SASH1: variants seen among roughly 807,000 people sequenced by gnomAD.
SASH1 encodes the protein SAM and SH3 domain containing 1.
In SASH1, 44 loss-of-function variants were observed where a neutral mutation model predicts 125.2. The observed-to-expected ratio is 0.35, with a 90% confidence interval of 0.28 to 0.45. The LOEUF is 0.45. SASH1 is among the 20% of genes least tolerant of loss of function. The pLI is 1.00. For synonymous variants in SASH1, 639 were observed against 649.1 expected, an observed-to-expected ratio of 0.98 and a Z score of 0.24; for missense variants, 1,426 against 1,614.5, an observed-to-expected ratio of 0.88 and a Z score of 2.00.
At chr6:148,527,244 C>G (rs966017815) in intron 11 of SASH1, 4 of 460,968 alleles carry the variant, frequency 8.7e-6, no homozygotes, top group Non-Finnish European at 1.5e-5. Flanking sequence ...AAAAGTGACT[C>G]ACATCCCACT....
the SASH1 span, among the ~76,000 whole-genome samples, chr6:148,196,516 C>T: frequency 6.6e-6 from 1 of 152,276 alleles, no homozygotes; most frequent in East Asian, 1.9e-4. Context: ...TCATCTCCTC[C>T]CAAGAGACCC....
intron 1 of SASH1, among the ~76,000 whole-genome samples, chr6:148,378,333 C>T (rs1334680487): frequency 1.3e-5 from 2 of 151,252 alleles, no homozygotes; most frequent in African/African-American, 4.9e-5. Context: ...GGATTACAGG[C>T]ATGAGCCACT....
Position 148,533,652 on chromosome 6 carries a change from C to T in SASH1, c.1735-119C>T. The T allele has an allele frequency of 2.1e-6, 2 of 933,924 alleles. No individual in the cohort carries two copies. The highest frequency in any genetic ancestry group is 3.3e-6 in the Non-Finnish European group (2 of 605,610). 57.9% of individuals were successfully genotyped at this position (933,924 alleles called of 1,614,324 possible). ...TCACTCAGAGGGGTGACTTGTGGGA[C>T]CCCGATTCTGGCCTTTGTGGCATCT... On this transcript the variant is annotated intron_variant, in intron 14 of 19. Coordinates refer to ENST00000367467, the MANE Select transcript of SASH1 (RefSeq NM_015278.5). The surrounding 1 kb of genome is among the most constrained non-coding windows in gnomAD (Gnocchi z 6.2).
At chr6:148,278,017 GTTTTGT>G (rs939211764) in intron 1 of SASH1, among the ~76,000 whole-genome samples, 11 of 151,520 alleles carry the variant, frequency 7.3e-5, no homozygotes, top group African/African-American at 2.7e-4. Flanking sequence ...TCCCGGCCTT[GTTTTGT>G]TTTTGTTTTT....
rs750972032 is a variant in SASH1, at chr6:148,471,441, A to G, written c.452A>G (p.Asn151Ser). The G allele has an allele frequency of 1.9e-6, 3 of 1,561,662 alleles. No homozygotes were observed. The highest frequency in any genetic ancestry group is 1.2e-5 in the South Asian group (1 of 85,086). The change falls in exon 6 of 20, where the codon AAT becomes AGT. Residue 151 changes from asparagine (N) to serine (S), a missense_variant. By Grantham distance (46) the Asn-to-Ser change is conservative. Coordinates refer to ENST00000367467, the MANE Select transcript of SASH1 (RefSeq NM_015278.5). ...SVGKGDWKKK[N>S]KYFWQNFRKN... Reference sequence around the variant, plus strand: ...GGAAAAGGAGACTGGAAGAAGAAAAATAAGTATTTCTGGCAGAACTTCCGA... The same window carrying G: ...GGAAAAGGAGACTGGAAGAAGAAAAGTAAGTATTTCTGGCAGAACTTCCGA...
chr6:148,434,777 T>C (rs1776225521), intron 2 of SASH1, among the ~76,000 whole-genome samples: 1 of 152,238 alleles, frequency 6.6e-6, no homozygotes, highest in Non-Finnish European at 1.5e-5. Flanking sequence ...TATAATGCCC[T>C]CACTTAAGGT....
intron 1 of SASH1, among the ~76,000 whole-genome samples, chr6:148,377,169 CAAAA>C (rs59339599): frequency 1.1e-5 from 1 of 94,218 alleles, no homozygotes; most frequent in African/African-American, 4.3e-5. Context: ...GACTCCGTCT[CAAAA>C]AAAAAAAAAA....
chr6:148,470,868 C>T (rs1369101297), intron 5 of SASH1, among the ~76,000 whole-genome samples: 1 of 152,110 alleles, frequency 6.6e-6, no homozygotes, highest in Non-Finnish European at 1.5e-5. Flanking sequence ...GAGAGTAACA[C>T]TGGGGGCCAG....
intron 12 of SASH1, among the ~76,000 whole-genome samples, chr6:148,528,833 A>T (rs1781345768): frequency 6.6e-6 from 1 of 152,092 alleles, no homozygotes. Flanking sequence ...TTCTATTGTT[A>T]TTACATTGTA....
the SASH1 span, among the ~76,000 whole-genome samples, chr6:148,226,332 G>A: frequency 6.6e-6 from 1 of 152,124 alleles, no homozygotes; most frequent in Admixed American, 6.5e-5. Context: ...TTTCAATCCT[G>A]ATTTTTTAAA....
At chr6:148,252,986 G>A in the SASH1 span, among the ~76,000 whole-genome samples, 1 of 152,112 alleles carries the variant, frequency 6.6e-6, no homozygotes, top group South Asian at 2.1e-4. Context: ...TGGCACAGGG[G>A]GACTAGCCCG....
At chr6:148,413,038 T>G (rs11155566) in intron 2 of SASH1, among the ~76,000 whole-genome samples, 37,826 of 152,088 alleles carry the variant, frequency 0.25, 4,819 homozygotes, top group Admixed American at 0.34. Flanking sequence ...TACTTTTAAT[T>G]TAGTAATTTG....
chr6:148,464,705 A>G (rs1328763246), intron 4 of SASH1, among the ~76,000 whole-genome samples: 2 of 152,178 alleles, frequency 1.3e-5, no homozygotes, highest in Admixed American at 6.5e-5. Context: ...CACTGCTTCT[A>G]TGCCAGCTTC....
intron 1 of SASH1, among the ~76,000 whole-genome samples, chr6:148,348,866 A>G (rs1781603415): frequency 6.6e-6 from 1 of 152,238 alleles, no homozygotes; most frequent in Admixed American, 6.5e-5. Context: ...CCTCAGCCCC[A>G]CGGTCGCTGA....
the SASH1 span, among the ~76,000 whole-genome samples, chr6:148,264,343 A>C: frequency 6.6e-6 from 1 of 152,230 alleles, no homozygotes. Flanking sequence ...GACTGCTTTA[A>C]AAATATGAGC....
At chr6:148,326,763 T>G (rs1780841718) in intron 1 of SASH1, among the ~76,000 whole-genome samples, 1 of 152,038 alleles carries the variant, frequency 6.6e-6, no homozygotes, top group Non-Finnish European at 1.5e-5. Context: ...TTCACTCGGA[T>G]TACTACTCAG....
chr6:148,444,661 C>T (rs1776699118), intron 4 of SASH1, among the ~76,000 whole-genome samples: 1 of 152,212 alleles, frequency 6.6e-6, no homozygotes, highest in South Asian at 2.1e-4. Context: ...TGAGCCTCTT[C>T]TCTTTATATC....
chr6:148,195,995 T>G, the SASH1 span, among the ~76,000 whole-genome samples: 3 of 152,216 alleles, frequency 2.0e-5, no homozygotes, highest in Non-Finnish European at 2.9e-5. Context: ...ACAGGCTTGG[T>G]GCTCTCTGGT....
chr6:148,408,120 A>G (rs999017158), intron 2 of SASH1, among the ~76,000 whole-genome samples: 1 of 144,320 alleles, frequency 6.9e-6, no homozygotes, highest in Admixed American at 6.9e-5. Context: ...TCCTAATGTT[A>G]GTGATGTTGG....
Sources: gnomAD v4.1 joint callset for allele counts (sites outside exome capture counted in the v4.1 genomes callset) on GRCh38, gnomAD v4.1.1 for gene constraint, Gnocchi (gnomAD v3.1) non-coding constraint, MANE v1.5 for transcripts, NCBI Gene and HGNC (gene_info 2026-07-23, HGNC 2026-07-21) for gene names.